Variants in ULK4 observed in about 807,000 individuals in gnomAD.
ULK4 encodes the protein inactive serine/threonine-protein kinase ULK4.
ULK4 carries 133 observed loss-of-function variants against 160.6 expected under a neutral mutation model. The observed-to-expected ratio is 0.83, with a 90% CI of 0.72 to 0.96. The LOEUF (loss-of-function observed/expected upper bound fraction) is 0.96. Among genes scored for constraint, ULK4 ranks in the 40% least tolerant of loss-of-function variants. The pLI is 0.00. For synonymous variants in ULK4, 534 were observed against 539.8 expected (o/e 0.99, Z 0.15); for missense variants, 1,580 against 1,499.5 (o/e 1.05, Z -0.89).
Position 41,794,660 on chromosome 3 carries a change from CA to C in ULK4, c.2011-4818del, listed in dbSNP as rs71075484. On this transcript the variant is annotated intron_variant, in intron 20 of 36. Coordinates refer to ENST00000301831, the MANE Select transcript of ULK4 (RefSeq NM_017886.4). ...TGGGTGACAGAGCAAGACTCTGTCT[CA>C]AAAAAAAAAAAAAAAAAAAAAAAAA... Among the ~76,000 whole-genome samples, 136 of 18,982 alleles carry C rather than the reference CA, an allele frequency of 7.2e-3. 1 individual carries two copies. The highest frequency in any genetic ancestry group is 0.023 in the East Asian group (9 of 394). 12.5% of individuals were successfully genotyped at this position (18,982 alleles called of 152,430 possible).
rs76450411 is a variant in ULK4 at position 41,482,584 on chromosome 3, G to C, written c.3227-19331C>G. On this transcript the variant is annotated intron_variant, in intron 32 of 36. Coordinates refer to ENST00000301831, the MANE Select transcript of ULK4 (RefSeq NM_017886.4). ...TGAGTTAAGTTTCTAATATGAGCAGGTAAGAGTCCTAAGCAACAAAATGAC... is the reference window on the plus strand; with the variant it reads ...TGAGTTAAGTTTCTAATATGAGCAGCTAAGAGTCCTAAGCAACAAAATGAC... Among the ~76,000 whole-genome samples the C allele has an allele frequency of 4.9e-3, 747 of 152,258 alleles. 10 individuals are homozygous for C. Among genetic ancestry groups the C allele is most frequent in the African/African-American group, 0.013 (540 of 41,530 alleles).
At chr3:41,695,638 G>A (rs2036465389) in intron 27 of ULK4, among the ~76,000 whole-genome samples, 1 of 152,096 alleles carries the variant, frequency 6.6e-6, no homozygotes, top group South Asian at 2.1e-4. Flanking sequence ...ATCTGTGGTA[G>A]ACTGAATGAT....
chr3:41,282,632 C>T lies in ULK4; in HGVS notation c.3679-33058G>A, dbSNP rs924049330. ...CTGAAACTGGATCCCTTCCTTACAC[C>T]TTATACAAAAATTAACTCAAGATGG... On this transcript the variant is annotated intron_variant, in intron 35 of 36. Coordinates refer to ENST00000301831, the MANE Select transcript of ULK4 (RefSeq NM_017886.4). Among the ~76,000 whole-genome samples, 6 of 152,158 alleles carry T rather than the reference C, an allele frequency of 3.9e-5. No individual in the cohort carries two copies. In the East Asian group the frequency reaches 9.6e-4, roughly 24 times the overall value.
chr3:41,511,804 T>G (rs1394294418), intron 32 of ULK4, among the ~76,000 whole-genome samples: 1 of 152,080 alleles, frequency 6.6e-6, no homozygotes, highest in African/African-American at 2.4e-5. Context: ...AGTATCACCC[T>G]AATACCAAAA....
At chr3:41,590,680 T>C (rs1043610053) in intron 31 of ULK4, among the ~76,000 whole-genome samples, 12 of 151,280 alleles carry the variant, frequency 7.9e-5, no homozygotes, top group Admixed American at 7.2e-4. Context: ...TAAATAACAA[T>C]TTCACTAGAT....
At chr3:41,961,816 G>T (rs1700684846) in intron 1 of ULK4, 200 bp downstream of exon 1, 1 of 152,682 alleles carries the variant, frequency 6.5e-6, no homozygotes, top group Admixed American at 6.5e-5. Context: ...CTTAACTAAC[G>T]CCCGGATAAA....
intron 35 of ULK4, among the ~76,000 whole-genome samples, chr3:41,392,523 G>A (rs971153527): frequency 6.6e-6 from 1 of 152,048 alleles, no homozygotes; most frequent in Non-Finnish European, 1.5e-5. Flanking sequence ...AACAACCATG[G>A]TTTACCAGTC....
At chr3:41,454,747 A>T (rs1575243686) in intron 34 of ULK4, among the ~76,000 whole-genome samples, 1 of 151,894 alleles carries the variant, frequency 6.6e-6, no homozygotes, top group Non-Finnish European at 1.5e-5. Flanking sequence ...GGCTGGAGTG[A>T]AGTGGCACGA....
chr3:41,791,809 A>C (rs1162357687), intron 20 of ULK4, among the ~76,000 whole-genome samples: 1 of 152,218 alleles, frequency 6.6e-6, no homozygotes, highest in Non-Finnish European at 1.5e-5. Flanking sequence ...GCATTTGTAG[A>C]GCACCAACTA....
intron 27 of ULK4, among the ~76,000 whole-genome samples, chr3:41,684,189 C>G (rs957907672): frequency 6.6e-6 from 1 of 152,180 alleles, no homozygotes; most frequent in Non-Finnish European, 1.5e-5. Context: ...TTTGCTCTTA[C>G]GGAAGCTACA....
intron 35 of ULK4, among the ~76,000 whole-genome samples, chr3:41,254,603 C>T (rs1340405710): frequency 1.3e-5 from 2 of 152,000 alleles, no homozygotes; most frequent in East Asian, 1.9e-4. Flanking sequence ...AAAAAAGGGC[C>T]GGGCGCGGTG....
chr3:41,655,957 G>A (rs2034921392), intron 30 of ULK4, among the ~76,000 whole-genome samples: 1 of 152,152 alleles, frequency 6.6e-6, no homozygotes, highest in Non-Finnish European at 1.5e-5. Flanking sequence ...AAGCTGATGT[G>A]GAAGCTATCT....
intron 32 of ULK4, among the ~76,000 whole-genome samples, chr3:41,477,468 A>G (rs998938088): frequency 6.6e-6 from 1 of 152,212 alleles, no homozygotes; most frequent in Non-Finnish European, 1.5e-5. Context: ...CTAATTTTAC[A>G]TTTACATCAT....
intron 32 of ULK4, among the ~76,000 whole-genome samples, chr3:41,498,003 A>T (rs569387168): frequency 6.6e-6 from 1 of 152,320 alleles, no homozygotes; most frequent in East Asian, 1.9e-4. Context: ...AAAAAAGAGC[A>T]TATAGAAAAT....
chr3:41,788,235 T>C (rs2040051597), intron 21 of ULK4, among the ~76,000 whole-genome samples: 1 of 152,212 alleles, frequency 6.6e-6, no homozygotes, highest in African/African-American at 2.4e-5. Context: ...TTATTCATAA[T>C]AGTTACTGAC....
At chr3:41,853,392 C>T (rs947462731) in intron 17 of ULK4, among the ~76,000 whole-genome samples, 11 of 152,116 alleles carry the variant, frequency 7.2e-5, no homozygotes, top group African/African-American at 2.7e-4. Context: ...ATATGGGGTA[C>T]AGCCTGGGCA....
At chr3:41,903,194 A>G (rs573674411) in intron 12 of ULK4, among the ~76,000 whole-genome samples, 74 of 152,358 alleles carry the variant, frequency 4.9e-4, no homozygotes, top group Non-Finnish European at 7.3e-4. Flanking sequence ...TAAGACATCA[A>G]TATTTGAAAG....
intron 21 of ULK4, among the ~76,000 whole-genome samples, chr3:41,757,629 CA>C (rs1197436719): frequency 0.25 from 15,648 of 63,602 alleles, 792 homozygotes; most frequent in Middle Eastern, 0.32. Flanking sequence ...GAGACTCTCT[CA>C]AAAAAAAAAA....
chr3:41,949,815 C>T (rs1700229936), intron 2 of ULK4, among the ~76,000 whole-genome samples: 1 of 151,576 alleles, frequency 6.6e-6, no homozygotes, highest in South Asian at 2.1e-4. Context: ...CGGCTCACTG[C>T]AACCTCGACC....
Sources: gnomAD v4.1 joint callset for allele counts (sites outside exome capture counted in the v4.1 genomes callset) on GRCh38, gnomAD v4.1.1 for gene constraint, MANE v1.5 for transcripts, NCBI Gene and HGNC (gene_info 2026-07-23, HGNC 2026-07-21) for gene names.